The following RGSL1 variants were observed in gnomAD, a reference collection of about 807,000 sequenced individuals.
RGSL1 encodes the protein regulator of G protein signaling protein-like.
Under a neutral mutation model 124.7 loss-of-function variants are expected in RGSL1, and 97 were observed. The ratio of observed to expected loss-of-function variants is 0.78; its 90% CI spans 0.66 to 0.92. RGSL1 has a LOEUF of 0.92. Ranked by LOEUF, RGSL1 falls within the 40% of genes least tolerant of loss-of-function variation. The pLI, the probability that RGSL1 is intolerant of heterozygous loss-of-function variation, is 0.00. For synonymous variants in RGSL1, 424 were observed against 438.1 expected, an observed-to-expected ratio of 0.97 and a Z score of 0.40; for missense variants, 1,233 against 1,288.4, an observed-to-expected ratio of 0.96 and a Z score of 0.66.
intron 10 of RGSL1, among the ~76,000 whole-genome samples, chr1:182,524,962 G>A (rs1658634447): frequency 6.6e-6 from 1 of 152,130 alleles, no homozygotes; most frequent in African/African-American, 2.4e-5. Context: ...ATCATTGGGT[G>A]ATCATGAGGC....
intron 4 of RGSL1, among the ~76,000 whole-genome samples, chr1:182,461,062 G>A (rs952002405): frequency 6.6e-6 from 1 of 152,114 alleles, no homozygotes; most frequent in Non-Finnish European, 1.5e-5. Context: ...TTTGTTGTAA[G>A]CCCCTCTCCC....
At position 182,488,265 on chromosome 1, in the gene RGSL1, A is replaced by G. The variant is rs2102089673; in HGVS notation, c.1432-20A>G. 1 of 1,551,364 alleles carries G rather than the reference A, an allele frequency of 6.4e-7. No individual in the cohort carries two copies. Among genetic ancestry groups the G allele is most frequent in the East Asian group, 2.4e-5 (1 of 40,896 alleles). On this transcript the variant is annotated intron_variant, in intron 6 of 21. Transcript: ENST00000294854. The stretch of plus-strand genomic sequence containing the variant: ...GCTGACCATCCACCTCATAATGCAT[A>G]TGCTGTGTTTGGTTTTCAGATGCTC...
Position 182,538,438 on chromosome 1 carries a change from G to C in RGSL1, c.2495-1809G>C, listed in dbSNP as rs192258518. Among the ~76,000 whole-genome samples, 502 of 152,050 alleles carry C rather than the reference G, an allele frequency of 3.3e-3. 2 individuals are homozygous for C. The highest frequency in any genetic ancestry group is 4.2e-3 in the Non-Finnish European group (288 of 68,000). ...AGCTACTCAGGAGGCTGAGAAAGGA[G>C]AATTGCTTGAACCCAGGAAGCGGAG... On this transcript the variant is annotated intron_variant, in intron 14 of 21. Coordinates refer to ENST00000294854, the MANE Select transcript of RGSL1 (RefSeq NM_001137669.2).
intron 20 of RGSL1, 123 bp from the exon 21 acceptor site, chr1:182,555,901 C>T: frequency 1.3e-6 from 1 of 798,524 alleles, no homozygotes; most frequent in Non-Finnish European, 2.1e-6. Context: ...TATTCTGAAG[C>T]CTGAAGGTTT....
chr1:182,527,955 A>C (rs186532930), intron 11 of RGSL1, among the ~76,000 whole-genome samples, 183 bp downstream of exon 11: 36 of 152,318 alleles, frequency 2.4e-4, no homozygotes, highest in Non-Finnish European at 8.8e-5. Context: ...ATAAATTCAA[A>C]GTCTTAATAC....
Position 182,548,442 on chromosome 1 carries a change from C to T in RGSL1, c.2795C>T (p.Pro932Leu). 1.3e-6 allele frequency: 2 copies of T among 1,551,698 alleles called. No individual in the cohort carries two copies. The highest frequency in any genetic ancestry group is 2.4e-5 in the East Asian group (1 of 40,918). ...AAACTCTTCCTGAATTCTGACATCC[C>T]TCCAAAGCTGAGGGTAAGAAAGACT... ...IQKLFLNSDIPPKLRVNVPEF... is the reference protein window; with the variant it reads ...IQKLFLNSDILPKLRVNVPEF... The change falls in exon 16 of 22, where the codon CCT (proline) becomes CTT (leucine). Residue 932 changes from proline (P) to leucine (L), a missense_variant. Pro to Leu is a moderately conservative substitution (Grantham distance 98). Transcript: ENST00000294854.
intron 9 of RGSL1, among the ~76,000 whole-genome samples, chr1:182,501,313 T>C (rs12036235): frequency 0.063 from 1,030 of 16,228 alleles, 5 homozygotes; most frequent in South Asian, 0.21. Context: ...TTTTCTTTTT[T>C]TTTTTTTTTT....
chr1:182,551,038 C>T (rs1021735505), intron 17 of RGSL1, 62 bp from the exon 18 acceptor site: 22 of 1,121,182 alleles, frequency 2.0e-5, no homozygotes, highest in Non-Finnish European at 2.8e-5. Context: ...CCCCTGTGCT[C>T]GGTGCTCCAG....
chr1:182,498,158 T>C (rs1026465265), intron 9 of RGSL1, among the ~76,000 whole-genome samples: 50 of 152,234 alleles, frequency 3.3e-4, no homozygotes, highest in African/African-American at 1.2e-3. Flanking sequence ...TTCATTAATT[T>C]ATATGAACTC....
At chr1:182,546,560 AT>A (rs1405014683) in intron 15 of RGSL1, among the ~76,000 whole-genome samples, 3 of 151,904 alleles carry the variant, frequency 2.0e-5, no homozygotes, top group Non-Finnish European at 2.9e-5. Flanking sequence ...CGCCCAGCTA[AT>A]TTTTGTATTT....
chr1:182,458,200 G>GT, intron 2 of RGSL1, 119 bp from the exon 3 acceptor site: 1 of 672,884 alleles, frequency 1.5e-6, no homozygotes, highest in Non-Finnish European at 2.6e-6. Context: ...TTAAGAATTA[G>GT]TGTCCCTTGA....
At chr1:182,548,609 AG>A in intron 16 of RGSL1, 90 bp from the exon 17 acceptor site, 1 of 1,521,244 alleles carries the variant, frequency 6.6e-7, no homozygotes, top group African/African-American at 1.4e-5. Context: ...CCTTTTGGAG[AG>A]GGGGTGGTCA....
chr1:182,488,103 T>C (rs1655231136), intron 6 of RGSL1, among the ~76,000 whole-genome samples, 182 bp from the exon 7 acceptor site: 1 of 152,256 alleles, frequency 6.6e-6, no homozygotes, highest in East Asian at 1.9e-4. Context: ...TGTTAGCTGC[T>C]CTATTCAGAG....
upstream of RGSL1, among the ~76,000 whole-genome samples, chr1:182,449,775 T>C (rs73057345): frequency 0.031 from 4,765 of 152,070 alleles, 269 homozygotes; most frequent in African/African-American, 0.11. Flanking sequence ...TATCCAGGAG[T>C]TACTGCTTAT....
rs1157175459 is a variant in RGSL1 at position 182,548,449 on chromosome 1, G to T, written c.2802G>T (p.Lys934Asn). 6.4e-7 allele frequency: 1 copy of T among 1,551,612 alleles called. No individual in the cohort carries two copies. Among genetic ancestry groups the T allele is most frequent in the Non-Finnish European group, 8.7e-7 (1 of 1,146,986 alleles). ...KLFLNSDIPP[K>N]LRVNVPEFQK... ...TCCTGAATTCTGACATCCCTCCAAA[G>T]CTGAGGGTAAGAAAGACTCCCACTC... The change falls in exon 16 of 22, where the codon AAG becomes AAT. Residue 934 changes from lysine to asparagine, a missense_variant. Coordinates refer to ENST00000294854, the MANE Select transcript of RGSL1 (RefSeq NM_001137669.2).
intron 6 of RGSL1, among the ~76,000 whole-genome samples, chr1:182,484,427 T>C (rs1654937236): frequency 6.6e-6 from 1 of 152,080 alleles, no homozygotes. Flanking sequence ...AAATCAAGCA[T>C]GAGAATATGT....
At chr1:182,514,263 G>A (rs552272522) in intron 9 of RGSL1, among the ~76,000 whole-genome samples, 5 of 152,094 alleles carry the variant, frequency 3.3e-5, no homozygotes, top group South Asian at 2.1e-4. Context: ...CTTGGTCCTC[G>A]TCCTACATAA....
chr1:182,499,741 A>G (rs983561474), intron 9 of RGSL1, among the ~76,000 whole-genome samples: 2 of 152,110 alleles, frequency 1.3e-5, no homozygotes, highest in Admixed American at 6.5e-5. Flanking sequence ...TGCAGACTTG[A>G]TTTTGTAGTT....
Position 182,504,088 on chromosome 1 carries a change from C to T in RGSL1, c.1825+10959C>T, listed in dbSNP as rs1297328989. On this transcript the variant is annotated intron_variant, in intron 9 of 21. Coordinates refer to ENST00000294854, the MANE Select transcript of RGSL1 (RefSeq NM_001137669.2). ...CTCTGCCTCCCGGGTTCAAGCGATT[C>T]CCCTGCCTCAGCCTCCTGAGTAGCT... 2.7e-5 allele frequency among the ~76,000 whole-genome samples: 4 copies of T among 150,028 alleles called. No homozygotes were observed. The Admixed American group carries it at 2.7e-4, about 10-fold the overall frequency.
Sources: allele counts gnomAD v4.1 joint callset (sites outside exome capture counted in the v4.1 genomes callset), GRCh38; gene constraint gnomAD v4.1.1; transcripts MANE v1.5; gene names NCBI Gene and HGNC (gene_info 2026-07-23, HGNC 2026-07-21).